LAMC3: variants seen among roughly 807,000 people sequenced by gnomAD.
LAMC3 encodes the protein laminin subunit gamma-3.
In LAMC3, 128 loss-of-function variants were observed where a neutral mutation model predicts 173.8. The observed-to-expected ratio is 0.74, with a 90% confidence interval of 0.64 to 0.85. The LOEUF is 0.85. LAMC3 is among the 40% of genes least tolerant of loss of function. The probability of loss-of-function intolerance (pLI) is 0.00; values close to 1 mark genes in which losing one functional copy is unlikely to be tolerated. For missense variants in LAMC3, 2,022 were observed against 2,156.0 expected, an observed-to-expected ratio of 0.94 and a Z score of 1.23; for synonymous variants, 897 against 909.1, an observed-to-expected ratio of 0.99 and a Z score of 0.24.
At chr9:131,086,575 C>CTTTTTTTTTTTTTTTTTTTTTTTTTTT (rs778812487) in intron 25 of LAMC3, among the ~76,000 whole-genome samples, 1 of 92,478 alleles carries the variant, frequency 1.1e-5, no homozygotes, top group Non-Finnish European at 2.0e-5. Context: ...GCCTGGCTAA[C>CTTTTTTTTTTTTTTTTTTTTTTTTTTT]TTTTTTTTTT....
At chr9:131,047,862 CAAAA>C (rs113887681) in intron 8 of LAMC3, among the ~76,000 whole-genome samples, 6 of 146,812 alleles carry the variant, frequency 4.1e-5, no homozygotes, top group African/African-American at 1.5e-4. Context: ...GACTCTGTCT[CAAAA>C]AAAAAGAAAA....
At chr9:131,014,464 G>T (rs572202506) in intron 1 of LAMC3, among the ~76,000 whole-genome samples, 64 of 152,336 alleles carry the variant, frequency 4.2e-4, no homozygotes, top group Admixed American at 1.5e-3. Context: ...TGGGCAGAAG[G>T]CCTGCCCACG....
At chr9:131,018,913 C>T (rs887064809) in intron 1 of LAMC3, among the ~76,000 whole-genome samples, 2 of 152,178 alleles carry the variant, frequency 1.3e-5, no homozygotes, top group African/African-American at 4.8e-5. Context: ...TAGGTTTGAG[C>T]GCCTTGTTGA....
chr9:131,069,759 A>G lies in LAMC3; in HGVS notation c.2978A>G (p.Lys993Arg). ...CVCRPGFEGY[K>R]CDRCHDNFFL... ...TGCAGGCCTGGCTTCGAGGGCTACA[A>G]ATGTGACCGCTGCCACGACAACTTC... The change falls in exon 17 of 28, where the codon AAA (lysine) becomes AGA (arginine). Residue 993 changes from lysine to arginine, a missense_variant. By Grantham distance (26) the Lys-to-Arg change is conservative. Transcript: ENST00000361069. The G allele has an allele frequency of 6.3e-7, 1 of 1,598,378 alleles. No homozygotes were observed. The highest frequency in any genetic ancestry group is 1.1e-5 in the South Asian group (1 of 88,368).
At chr9:131,064,445 C>T (rs948973097) in intron 13 of LAMC3, among the ~76,000 whole-genome samples, 1 of 149,468 alleles carries the variant, frequency 6.7e-6, no homozygotes, top group South Asian at 2.1e-4. Flanking sequence ...GGGCAGATCA[C>T]AAGGTCAGGA....
At chr9:131,079,455 G>A (rs185145487) in intron 23 of LAMC3, among the ~76,000 whole-genome samples, 157 bp downstream of exon 23, 1 of 152,258 alleles carries the variant, frequency 6.6e-6, no homozygotes, top group African/African-American at 2.4e-5. Context: ...ACCACTTTGG[G>A]AGGCCGAGAC....
rs768142838 is a variant in LAMC3, at chr9:131,039,251, G to A, written c.1283+3G>A. On this transcript the variant is annotated splice_donor_region_variant and intron_variant, in intron 6 of 27. Transcript: ENST00000361069. ...TCGCTCAGTGAGGGAGGCTGCAGGT[G>A]AGGGCGAGGGGCGGCCCAGTATGGA... The A allele has an allele frequency of 1.9e-6, 3 of 1,602,096 alleles. No individual in the cohort carries two copies. The South Asian group carries it at 3.3e-5, about 18-fold the overall frequency.
At position 131,038,907 on chromosome 9, in the gene LAMC3, G is replaced by C. The variant is rs1218346102; in HGVS notation, c.1020G>C (p.Arg340=). Residue 340 remains arginine, a synonymous_variant, in exon 5 of 28, where the codon CGG becomes CGC. Transcript: ENST00000361069. The part of the protein sequence containing the change: ...SGRSEECTFD[R]ELFRSTGHGG... The stretch of plus-strand genomic sequence containing the variant: ...GCTCCGAGGAATGCACGTTTGATCG[G>C]GAGCTCTTCCGCAGCACAGGCCACG... The C allele has an allele frequency of 8.7e-6, 14 of 1,613,232 alleles. No homozygotes were observed. Among genetic ancestry groups the C allele is most frequent in the Admixed American group, 6.7e-5 (4 of 60,004 alleles).
intron 1 of LAMC3, chr9:131,021,415 T>C (rs954225424): frequency 6.6e-6 from 1 of 152,210 alleles, no homozygotes; most frequent in Non-Finnish European, 1.5e-5. Context: ...TTGCCAACAC[T>C]TGTTATCTTC....
chr9:131,077,145 G>T, intron 21 of LAMC3, 42 bp from the exon 22 acceptor site: 1 of 1,610,342 alleles, frequency 6.2e-7, no homozygotes. Context: ...GATGGGGAGG[G>T]CTAGTTCTGC....
At position 131,052,511 on chromosome 9, in the gene LAMC3, C is replaced by A. The variant is rs746756940; in HGVS notation, c.1651C>A (p.Arg551=). 6 of 1,613,972 alleles carry A rather than the reference C, an allele frequency of 3.7e-6. No homozygotes were observed. Among genetic ancestry groups the A allele is most frequent in the African/African-American group, 1.3e-5 (1 of 74,938 alleles). The change falls in exon 10 of 28, where the codon CGG becomes AGG. Residue 551 remains arginine, a synonymous_variant. Transcript: ENST00000361069. ...TAPEKFLGDQ[R]FSYGQPLILT... ...TTCAGAGAAGTTCCTGGGAGACCAGCGGTTCAGCTATGGGCAGCCCCTCAT... is the reference window on the plus strand; with the variant it reads ...TTCAGAGAAGTTCCTGGGAGACCAGAGGTTCAGCTATGGGCAGCCCCTCAT...
rs772357278 is a variant in LAMC3, at chr9:131,026,523, C to T, written c.612C>T (p.Asn204=). ...ACATCTCCCCGCTGAGTGGCGGCAA[C>T]GTGGCCTTCTCCACCCTGGAGGGCC... The part of the protein sequence containing the change: ...FSDISPLSGG[N]VAFSTLEGRP... The change falls in exon 2 of 28, where the codon AAC becomes AAT. Residue 204 remains asparagine, a synonymous_variant. Transcript: ENST00000361069. This position sits in a 1 kb window ranked among gnomAD's most constrained non-coding sequence, Gnocchi z 4.8. The T allele has an allele frequency of 2.0e-4, 320 of 1,612,036 alleles. No homozygotes were observed. The highest frequency in any genetic ancestry group is 2.6e-4 in the Non-Finnish European group (310 of 1,179,586).
chr9:131,039,213 G>A lies in LAMC3; in HGVS notation c.1248G>A (p.Leu416=). 2.5e-6 allele frequency: 4 copies of A among 1,607,558 alleles called. No homozygotes were observed. Among genetic ancestry groups the A allele is most frequent in the Non-Finnish European group, 3.4e-6 (4 of 1,179,984 alleles). The change falls in exon 6 of 28, where the codon CTG becomes CTA. Residue 416 remains leucine, a synonymous_variant. Coordinates refer to ENST00000361069, the MANE Select transcript of LAMC3 (RefSeq NM_006059.4). ...CTGGCTGGAAGTGTGACCGCTGTCT[G>A]CCCGGGTTCCACTCGCTCAGTGAGG... ...TVTGWKCDRC[L]PGFHSLSEGG... is the part of the protein sequence containing the mutation.
At chr9:131,053,949 G>A (rs753935166) in intron 11 of LAMC3, among the ~76,000 whole-genome samples, 2 of 151,824 alleles carry the variant, frequency 1.3e-5, no homozygotes, top group Admixed American at 6.6e-5. Context: ...GGTTGAGACT[G>A]TAGTGACTGT....
intron 12 of LAMC3, among the ~76,000 whole-genome samples, chr9:131,058,932 TCA>T (rs1829747826): frequency 6.7e-6 from 1 of 148,308 alleles, no homozygotes; most frequent in African/African-American, 2.5e-5. Flanking sequence ...AGACTTGGGC[TCA>T]TGCCTGTAAT....
chr9:131,068,439 G>A (rs991443694), intron 15 of LAMC3, among the ~76,000 whole-genome samples: 1 of 152,220 alleles, frequency 6.6e-6, no homozygotes, highest in African/African-American at 2.4e-5. Context: ...GCCAAGAGCA[G>A]CCCTAAAGGG....
intron 6 of LAMC3, among the ~76,000 whole-genome samples, chr9:131,039,798 G>T (rs962266208): frequency 6.6e-6 from 1 of 151,926 alleles, no homozygotes; most frequent in African/African-American, 2.4e-5. Flanking sequence ...CCTCTGGATA[G>T]CAGGGCACGC....
rs141325432 is a variant in LAMC3, at chr9:131,026,455, G to A, written c.544G>A (p.Gly182Ser). 101 of 1,613,576 alleles carry A rather than the reference G, an allele frequency of 6.3e-5. No individual in the cohort carries two copies. Among genetic ancestry groups the A allele is most frequent in the African/African-American group, 4.7e-4 (35 of 75,058 alleles). The change falls in exon 2 of 28, where the codon GGC (glycine) becomes AGC (serine). Residue 182 changes from glycine (G) to serine (S), a missense_variant. Coordinates refer to ENST00000361069, the MANE Select transcript of LAMC3 (RefSeq NM_006059.4). This position sits in a 1 kb window ranked among gnomAD's most constrained non-coding sequence, Gnocchi z 4.8. ...GRPEGQYLRP[G>S]EDERVAFCTS... Reference sequence around the variant, plus strand: ...GCCCGAGGGCCAGTACCTGCGCCCCGGCGAGGACGAGCGCGTGGCCTTCTG... The same window carrying A: ...GCCCGAGGGCCAGTACCTGCGCCCCAGCGAGGACGAGCGCGTGGCCTTCTG...
intron 13 of LAMC3, among the ~76,000 whole-genome samples, chr9:131,061,852 C>T (rs2133300546): frequency 6.7e-6 from 1 of 150,122 alleles, no homozygotes; most frequent in African/African-American, 2.5e-5. Flanking sequence ...GAGTTCAAGA[C>T]CAGCCTGGGC....
Sources: gnomAD v4.1 joint callset for allele counts (sites outside exome capture counted in the v4.1 genomes callset) on GRCh38, gnomAD v4.1.1 for gene constraint, Gnocchi (gnomAD v3.1) non-coding constraint, MANE v1.5 for transcripts, NCBI Gene and HGNC (gene_info 2026-07-23, HGNC 2026-07-21) for gene names.